Variants in XKR6 observed in about 807,000 individuals in gnomAD.
XKR6 encodes the protein XK related 6.
XKR6 carries 22 observed loss-of-function variants against 56.7 expected under a neutral mutation model. The ratio of observed to expected loss-of-function variants is 0.39; its 90% confidence interval spans 0.28 to 0.55. XKR6 has a LOEUF of 0.55. Ranked by LOEUF, XKR6 falls within the 20% of genes least tolerant of loss-of-function variation. The pLI is 0.66. For missense variants in XKR6, 852 were observed against 889.0 expected (o/e 0.96, Z 0.53); for synonymous variants, 524 against 387.8 (o/e 1.35, Z -4.13).
chr8:11,125,305 C>G (rs61135882), intron 1 of XKR6, among the ~76,000 whole-genome samples: 1 of 151,984 alleles, frequency 6.6e-6, no homozygotes, highest in African/African-American at 2.4e-5. Context: ...CATCTCCTTA[C>G]GTACAGAGAC....
At chr8:11,049,541 A>C (rs7462014) in intron 1 of XKR6, among the ~76,000 whole-genome samples, 142,141 of 152,118 alleles carry the variant, frequency 0.93, 66,540 homozygotes, top group African/African-American at 0.99. Flanking sequence ...GACACCACTA[A>C]GAGGGATTTT....
At chr8:10,979,701 G>A (rs1797683450) in intron 1 of XKR6, among the ~76,000 whole-genome samples, 3 of 152,174 alleles carry the variant, frequency 2.0e-5, no homozygotes, top group South Asian at 2.1e-4. Flanking sequence ...TGCCTGAAAC[G>A]GACAATGGCC....
At chr8:11,038,326 G>A (rs984304577) in intron 1 of XKR6, among the ~76,000 whole-genome samples, 3 of 152,184 alleles carry the variant, frequency 2.0e-5, no homozygotes, top group African/African-American at 7.2e-5. Context: ...TCATTTTATA[G>A]TTAAGGAGTC....
chr8:11,036,555 G>A (rs1352871453), intron 1 of XKR6, among the ~76,000 whole-genome samples: 1 of 152,186 alleles, frequency 6.6e-6, no homozygotes, highest in Non-Finnish European at 1.5e-5. Context: ...CCAGGAATCT[G>A]CATTTTAACA....
chr8:11,051,801 T>A (rs567632400), intron 1 of XKR6, among the ~76,000 whole-genome samples: 27 of 152,168 alleles, frequency 1.8e-4, no homozygotes, highest in African/African-American at 6.5e-4. Context: ...AGCTTAGCCT[T>A]TTTTTCTGTG....
At chr8:11,046,672 G>C (rs193225731) in intron 1 of XKR6, among the ~76,000 whole-genome samples, 1 of 152,268 alleles carries the variant, frequency 6.6e-6, no homozygotes, top group East Asian at 1.9e-4. Flanking sequence ...AGTGCTAAGT[G>C]AAATAAGCCA....
intron 2 of XKR6, among the ~76,000 whole-genome samples, chr8:10,920,467 C>T (rs1189421996): frequency 6.6e-6 from 1 of 152,218 alleles, no homozygotes; most frequent in African/African-American, 2.4e-5. Context: ...GGAGTCACCC[C>T]AGCTTTCTAC....
intron 1 of XKR6, chr8:11,107,848 T>A (rs758596746): frequency 6.3e-6 from 1 of 159,216 alleles, no homozygotes; most frequent in African/African-American, 2.4e-5. Flanking sequence ...GGTTATTTTA[T>A]CTGGTTACCA....
intron 1 of XKR6, among the ~76,000 whole-genome samples, chr8:11,190,296 A>C (rs1053056928): frequency 6.6e-6 from 1 of 152,052 alleles, no homozygotes; most frequent in Non-Finnish European, 1.5e-5. Flanking sequence ...AAAAGAAAAG[A>C]AAAGAAAACA....
chr8:11,141,182 C>G (rs1800678947), intron 1 of XKR6, among the ~76,000 whole-genome samples: 1 of 152,170 alleles, frequency 6.6e-6, no homozygotes, highest in Non-Finnish European at 1.5e-5. Flanking sequence ...GCTGGTAGTA[C>G]TAGTACTGTT....
chr8:10,958,778 T>C (rs1231505751), intron 1 of XKR6, among the ~76,000 whole-genome samples: 1 of 152,198 alleles, frequency 6.6e-6, no homozygotes, highest in African/African-American at 2.4e-5. Context: ...GATGGGCTCA[T>C]CACTGGATGA....
intron 1 of XKR6, among the ~76,000 whole-genome samples, chr8:11,188,969 A>C (rs1053760651): frequency 6.6e-6 from 1 of 152,108 alleles, no homozygotes; most frequent in African/African-American, 2.4e-5. Flanking sequence ...GATGTGCCAC[A>C]CTAATATCTT....
At chr8:10,908,490 G>A (rs1800246926) in intron 2 of XKR6, among the ~76,000 whole-genome samples, 1 of 151,932 alleles carries the variant, frequency 6.6e-6, no homozygotes. Context: ...AGTCCCCTTT[G>A]CCCTCCCTGG....
intron 1 of XKR6, among the ~76,000 whole-genome samples, chr8:11,088,019 A>C (rs1169314212): frequency 6.6e-6 from 1 of 152,236 alleles, no homozygotes; most frequent in Non-Finnish European, 1.5e-5. Context: ...TGTCAGATTG[A>C]AAATTGTTTT....
chr8:11,024,185 G>T (rs1798808746), intron 1 of XKR6, among the ~76,000 whole-genome samples: 1 of 150,330 alleles, frequency 6.7e-6, no homozygotes, highest in South Asian at 2.1e-4. Flanking sequence ...CCTTGTTGCA[G>T]ACAACATACC....
chr8:11,104,589 A>C (rs34069332), intron 1 of XKR6: 6 of 151,870 alleles, frequency 4.0e-5, no homozygotes, highest in African/African-American at 1.5e-4. Context: ...GACAATTAAT[A>C]AAAGTAGTTA....
chr8:10,990,125 ACAAG>A (rs1797955513), intron 1 of XKR6, among the ~76,000 whole-genome samples: 2 of 152,350 alleles, frequency 1.3e-5, no homozygotes, highest in Admixed American at 6.5e-5. Flanking sequence ...CTATATTAAA[ACAAG>A]CAAACAAAAA....
chr8:11,158,944 C>T, intron 1 of XKR6, among the ~76,000 whole-genome samples: 1 of 152,314 alleles, frequency 6.6e-6, no homozygotes, highest in South Asian at 2.1e-4. Context: ...CAACTGAGGA[C>T]CCGCTTGCCG....
intron 1 of XKR6, chr8:11,105,878 T>A (rs1798656752): frequency 1.3e-5 from 2 of 152,236 alleles, no homozygotes; most frequent in Non-Finnish European, 2.9e-5. Context: ...AAGCAGCTTC[T>A]GCGAATACTT....
Sources: allele counts gnomAD v4.1 joint callset (sites outside exome capture counted in the v4.1 genomes callset), GRCh38; gene constraint gnomAD v4.1.1; transcripts MANE v1.5; gene names NCBI Gene and HGNC (gene_info 2026-07-23, HGNC 2026-07-21).